ZCCHC14: variants seen among roughly 807,000 people sequenced by gnomAD.
ZCCHC14 encodes zinc finger CCHC domain-containing protein 14.
In ZCCHC14, 16 loss-of-function variants were observed where a neutral mutation model predicts 85.0. The ratio of observed to expected loss-of-function variants is 0.19; its 90% CI spans 0.13 to 0.29. ZCCHC14 has a LOEUF of 0.29. ZCCHC14 is among the 10% of genes least tolerant of loss of function. The pLI, the probability that ZCCHC14 is intolerant of heterozygous loss-of-function variation, is 1.00. For synonymous variants in ZCCHC14, 775 were observed against 630.7 expected (o/e 1.23, Z -3.43); for missense variants, 1,303 against 1,443.5 (o/e 0.90, Z 1.58).
intron 6 of ZCCHC14, 118 bp from the exon 7 acceptor site, chr16:87,419,019 C>T (rs1027899726): frequency 1.9e-5 from 18 of 931,328 alleles, no homozygotes; most frequent in South Asian, 8.0e-5. Flanking sequence ...AGCAATGGTG[C>T]GATCTCGGCT....
chr16:87,421,559 C>T (rs1909096421), intron 4 of ZCCHC14, among the ~76,000 whole-genome samples: 1 of 152,086 alleles, frequency 6.6e-6, no homozygotes, highest in African/African-American at 2.4e-5. Flanking sequence ...AGGCCCTTGC[C>T]CCCACAAGCC....
intron 2 of ZCCHC14, among the ~76,000 whole-genome samples, chr16:87,453,184 G>A (rs970179100): frequency 9.2e-5 from 14 of 152,208 alleles, no homozygotes; most frequent in Admixed American, 2.6e-4. Flanking sequence ...GCTTGGGAGC[G>A]AGCAGCGCTC....
intron 9 of ZCCHC14, among the ~76,000 whole-genome samples, chr16:87,415,075 C>T (rs1187976697): frequency 1.3e-5 from 2 of 152,142 alleles, no homozygotes; most frequent in Admixed American, 6.5e-5. Context: ...CAGAGCGAGA[C>T]TCCGTCTCAA....
chr16:87,468,644 G>C (rs1478657481), intron 1 of ZCCHC14, among the ~76,000 whole-genome samples: 1 of 152,178 alleles, frequency 6.6e-6, no homozygotes, highest in Non-Finnish European at 1.5e-5. Context: ...AACTTATAAA[G>C]TCTTATTATT....
At chr16:87,466,808 G>C (rs1911541541) in intron 1 of ZCCHC14, among the ~76,000 whole-genome samples, 1 of 152,172 alleles carries the variant, frequency 6.6e-6, no homozygotes, top group South Asian at 2.1e-4. Context: ...CCCAGTTAGA[G>C]GCTGGAGAAA....
At position 87,481,527 on chromosome 16, in the gene ZCCHC14, G is replaced by GA. The variant is rs1491243266; in HGVS notation, c.570+10141_570+10142insT. Among the ~76,000 whole-genome samples the GA allele has an allele frequency of 2.7e-3, 33 of 12,340 alleles. 3 individuals are homozygous for GA. In the East Asian group the frequency reaches 0.049, roughly 18 times the overall value. The allele number at this position is 12,340 out of a possible 152,430, so 8.1% of individuals were successfully genotyped here. ...TGGCAAGTGTGGCAGGGAGAGAAACGGGGGGGGGGGGGGGTGGGGGGGGGG... is the reference window on the plus strand; with the variant it reads ...TGGCAAGTGTGGCAGGGAGAGAAACGAGGGGGGGGGGGGGGTGGGGGGGGGG... On this transcript the variant is annotated intron_variant, in intron 1 of 12. Transcript: ENST00000671377.
intron 2 of ZCCHC14, among the ~76,000 whole-genome samples, chr16:87,445,056 T>C (rs998773641): frequency 7.2e-6 from 1 of 139,690 alleles, no homozygotes; most frequent in Non-Finnish European, 1.6e-5. Flanking sequence ...TGTGATTTTG[T>C]TTTTCAAAAT....
chr16:87,467,479 G>A (rs1027208683), intron 1 of ZCCHC14: 9 of 1,606,334 alleles, frequency 5.6e-6, no homozygotes, highest in Non-Finnish European at 7.7e-6. Flanking sequence ...ACCTCTGGAG[G>A]ACAGATGTAC....
chr16:87,454,738 T>G (rs1403573307), intron 2 of ZCCHC14, among the ~76,000 whole-genome samples: 1 of 152,250 alleles, frequency 6.6e-6, no homozygotes, highest in African/African-American at 2.4e-5. Flanking sequence ...ATCTTTTTCC[T>G]TTTCCTTTCT....
chr16:87,451,218 T>TA (rs1476049764), intron 2 of ZCCHC14, among the ~76,000 whole-genome samples: 9 of 124,898 alleles, frequency 7.2e-5, no homozygotes, highest in Admixed American at 5.2e-4. Flanking sequence ...TTTTTTGAGA[T>TA]AGAGTTTTTC....
chr16:87,424,245 C>G (rs367730026), intron 3 of ZCCHC14, among the ~76,000 whole-genome samples: 2 of 152,202 alleles, frequency 1.3e-5, no homozygotes, highest in South Asian at 4.1e-4. Flanking sequence ...GCCTCAGATG[C>G]AAGAGCGACA....
chr16:87,422,578 AAAAG>A (rs1489502462), intron 4 of ZCCHC14, among the ~76,000 whole-genome samples: 4 of 151,662 alleles, frequency 2.6e-5, no homozygotes, highest in Non-Finnish European at 5.9e-5. Context: ...AAAAAAAAAA[AAAAG>A]AGAGAGAGCT....
intron 1 of ZCCHC14, among the ~76,000 whole-genome samples, chr16:87,483,420 G>A (rs538616213): frequency 2.0e-5 from 3 of 150,042 alleles, no homozygotes; most frequent in African/African-American, 7.4e-5. Flanking sequence ...GAACCCGGGA[G>A]GCAAAGGTTG....
At chr16:87,418,085 C>T (rs545512817) in intron 7 of ZCCHC14, among the ~76,000 whole-genome samples, 3 of 152,342 alleles carry the variant, frequency 2.0e-5, no homozygotes, top group South Asian at 2.1e-4. Flanking sequence ...CCCCACCAGA[C>T]TTCTGCTTTA....
intron 1 of ZCCHC14, among the ~76,000 whole-genome samples, chr16:87,484,581 G>A (rs1912429689): frequency 6.6e-6 from 1 of 152,304 alleles, no homozygotes; most frequent in East Asian, 1.9e-4. Flanking sequence ...AAGAACATGT[G>A]AACATATATG....
intron 1 of ZCCHC14, among the ~76,000 whole-genome samples, chr16:87,466,127 T>C (rs959902593): frequency 3.4e-5 from 5 of 149,222 alleles, no homozygotes; most frequent in Non-Finnish European, 5.9e-5. Flanking sequence ...GTATTTACGC[T>C]TTTTTTTAAA....
At chr16:87,445,893 C>T (rs757122425) in intron 2 of ZCCHC14, among the ~76,000 whole-genome samples, 3 of 152,128 alleles carry the variant, frequency 2.0e-5, no homozygotes, top group Non-Finnish European at 2.9e-5. Context: ...CATCTAATTA[C>T]GCATGCTGTT....
chr16:87,408,375 G>A lies in ZCCHC14; in HGVS notation c.*1905C>T, dbSNP rs867599197. On this transcript the variant is annotated 3_prime_UTR_variant, in exon 13 of 13. Transcript: ENST00000671377. ...ATCCAGGCCACTGTAATGGCCTTCA[G>A]AAATATTAAAATCGTAAACATCAAT... 5 of 152,510 alleles carry A rather than the reference G, an allele frequency of 3.3e-5. No individual in the cohort carries two copies. The highest frequency in any genetic ancestry group is 3.3e-4 in the Admixed American group (5 of 15,280). The allele number at this position is 152,510 out of a possible 1,614,324, so 9.4% of individuals were successfully genotyped here.
At chr16:87,467,905 C>A (rs1381012043) in intron 1 of ZCCHC14, among the ~76,000 whole-genome samples, 1 of 152,192 alleles carries the variant, frequency 6.6e-6, no homozygotes, top group South Asian at 2.1e-4. Context: ...CCCGCCTCAG[C>A]CTCCCAAAGT....
Sources: allele counts gnomAD v4.1 joint callset (sites outside exome capture counted in the v4.1 genomes callset), GRCh38; gene constraint gnomAD v4.1.1; transcripts MANE v1.5; gene names NCBI Gene and HGNC (gene_info 2026-07-23, HGNC 2026-07-21).